ANKH: variants seen among roughly 807,000 people sequenced by gnomAD.
ANKH encodes mineralization regulator ANKH.
Under a neutral mutation model 49.0 loss-of-function variants are expected in ANKH, and 15 were observed. That is an observed-to-expected ratio of 0.31 (90% CI 0.20 to 0.47). The LOEUF is 0.47. Among genes scored for constraint, ANKH ranks in the 20% least tolerant of loss-of-function variants. ANKH has a pLI of 1.00. For synonymous variants in ANKH, 273 were observed against 260.0 expected, an observed-to-expected ratio of 1.05 and a Z score of -0.48; for missense variants, 429 against 652.0, an observed-to-expected ratio of 0.66 and a Z score of 3.72.
At chr5:14,746,793 G>A (rs529901742) in intron 6 of ANKH, among the ~76,000 whole-genome samples, 8 of 152,188 alleles carry the variant, frequency 5.3e-5, no homozygotes, top group Non-Finnish European at 1.2e-4. Flanking sequence ...AGTCAGTTAA[G>A]TTAGATCTCT....
In ANKH at chr5:14,793,009, T is replaced by TATATATATATATAA. The variant is rs1554006425; in HGVS notation, c.97-23819_97-23818insTTATATATATATAT. The stretch of plus-strand genomic sequence containing the variant: ...ATATAAAAATATATATATATATAAA[T>TATATATATATATAA]ATATATATATAAATATATATATATA... On this transcript the variant is annotated intron_variant, in intron 1 of 11. Coordinates refer to ENST00000284268, the MANE Select transcript of ANKH (RefSeq NM_054027.6). Among the ~76,000 whole-genome samples, 324 of 42,430 alleles carry TATATATATATATAA rather than the reference T, an allele frequency of 7.6e-3. 6 individuals are homozygous for TATATATATATATAA. The highest frequency in any genetic ancestry group is 0.024 in the African/African-American group (318 of 13,010). 27.8% of individuals were successfully genotyped at this position (42,430 alleles called of 152,430 possible).
In ANKH at chr5:14,745,959, C is replaced by T. The variant is rs781673142; in HGVS notation, c.826G>A (p.Val276Met). Residue 276 changes from valine (V) to methionine (M), a missense_variant, in exon 7 of 12, where the codon GTG becomes ATG. This residue lies in a region of ANKH where 378 missense variants were observed against 615.3 expected (regional missense o/e 0.61). Coordinates refer to ENST00000284268, the MANE Select transcript of ANKH (RefSeq NM_054027.6). The surrounding 1 kb of genome is among the most constrained non-coding windows in gnomAD (Gnocchi z 4.7). ...LGGSSAATEA[V>M]AILTATYPVG... ...GGGTATGTGGCTGTCAAAATCGCCACTGCCTGCAACAGGAAGAGGTGGCAG... is the reference window on the plus strand; with the variant it reads ...GGGTATGTGGCTGTCAAAATCGCCATTGCCTGCAACAGGAAGAGGTGGCAG... 6.2e-7 allele frequency: 1 copy of T among 1,613,914 alleles called. No homozygotes were observed. Among genetic ancestry groups the T allele is most frequent in the South Asian group, 1.1e-5 (1 of 91,080 alleles).
At chr5:14,850,818 G>T (rs562809087) in intron 1 of ANKH, among the ~76,000 whole-genome samples, 41 of 152,232 alleles carry the variant, frequency 2.7e-4, no homozygotes, top group South Asian at 2.5e-3. Context: ...CAGAGAAACT[G>T]CGACGTCTGC....
At chr5:14,756,904 A>G (rs1738904142) in intron 3 of ANKH, among the ~76,000 whole-genome samples, 2 of 152,216 alleles carry the variant, frequency 1.3e-5, no homozygotes, top group Admixed American at 6.5e-5. Flanking sequence ...CAGAAGAAAC[A>G]TGGAAGAAAA....
At chr5:14,845,274 T>C (rs1488234160) in intron 1 of ANKH, among the ~76,000 whole-genome samples, 1 of 151,996 alleles carries the variant, frequency 6.6e-6, no homozygotes, top group African/African-American at 2.4e-5. Flanking sequence ...CTTCCATCTG[T>C]CCTGTGCCTG....
intron 11 of ANKH, among the ~76,000 whole-genome samples, chr5:14,711,513 C>CCTGG (rs1160010311): frequency 6.6e-6 from 1 of 152,202 alleles, no homozygotes; most frequent in East Asian, 1.9e-4. Context: ...CTGCTGTGTG[C>CCTGG]CTGGCACTGA....
intron 4 of ANKH, among the ~76,000 whole-genome samples, chr5:14,751,833 T>C (rs1392553125): frequency 6.6e-6 from 1 of 152,196 alleles, no homozygotes; most frequent in African/African-American, 2.4e-5. Context: ...CATTTCAAAG[T>C]ACTTTGCATG....
At chr5:14,791,422 T>C (rs1740162251) in intron 1 of ANKH, among the ~76,000 whole-genome samples, 1 of 152,186 alleles carries the variant, frequency 6.6e-6, no homozygotes, top group South Asian at 2.1e-4. Flanking sequence ...ATGAAGTAGT[T>C]TCAAAAGCAC....
intron 6 of ANKH, among the ~76,000 whole-genome samples, chr5:14,746,765 A>G (rs540975365): frequency 6.6e-6 from 1 of 152,192 alleles, no homozygotes; most frequent in African/African-American, 2.4e-5. Context: ...GACAGCTTGG[A>G]GGTTGGAAGC....
At chr5:14,734,056 C>T (rs1738090310) in intron 8 of ANKH, among the ~76,000 whole-genome samples, 1 of 152,192 alleles carries the variant, frequency 6.6e-6, no homozygotes, top group African/African-American at 2.4e-5. Flanking sequence ...GATGGCAGTT[C>T]CTGACTGACC....
At chr5:14,777,145 C>T (rs966375849) in intron 1 of ANKH, among the ~76,000 whole-genome samples, 12 of 61,570 alleles carry the variant, frequency 1.9e-4, no homozygotes, top group Admixed American at 3.7e-4. Flanking sequence ...GTTAGCCGGG[C>T]GTGGTGGGGG....
chr5:14,723,959 CCAGT>C (rs1296918379), intron 8 of ANKH, among the ~76,000 whole-genome samples: 1 of 152,194 alleles, frequency 6.6e-6, no homozygotes, highest in Non-Finnish European at 1.5e-5. Context: ...AGCATGTGAG[CCAGT>C]CAGTTTCCAG....
intron 1 of ANKH, among the ~76,000 whole-genome samples, chr5:14,855,658 A>T (rs115812891): frequency 1.3e-5 from 2 of 152,122 alleles, no homozygotes; most frequent in Non-Finnish European, 2.9e-5. Flanking sequence ...GGTCCATGGT[A>T]CATGGTAGTC....
At chr5:14,739,166 C>T (rs539580956) in intron 8 of ANKH, among the ~76,000 whole-genome samples, 1 of 152,172 alleles carries the variant, frequency 6.6e-6, no homozygotes, top group Non-Finnish European at 1.5e-5. Context: ...CCTGTAATCC[C>T]AGCACTTTGG....
chr5:14,713,533 T>A lies in ANKH; in HGVS notation c.1265+11A>T. 6.2e-7 allele frequency: 1 copy of A among 1,613,982 alleles called. No individual in the cohort carries two copies. The highest frequency in any genetic ancestry group is 8.5e-7 in the Non-Finnish European group (1 of 1,179,918). The stretch of plus-strand genomic sequence containing the variant: ...GAAGGACCCACAGCCCCAAACTCCC[T>A]GACAACATACCCCAGGTAGGGTAGG... On this transcript the variant is annotated intron_variant, in intron 10 of 11. Coordinates refer to ENST00000284268, the MANE Select transcript of ANKH (RefSeq NM_054027.6). This position sits in a 1 kb window ranked among gnomAD's most constrained non-coding sequence, Gnocchi z 4.4.
At chr5:14,853,732 G>A (rs1742180009) in intron 1 of ANKH, among the ~76,000 whole-genome samples, 1 of 152,070 alleles carries the variant, frequency 6.6e-6, no homozygotes. Flanking sequence ...TGGCGCGATA[G>A]AAAGGTGTAT....
chr5:14,779,379 C>T (rs1273857958), intron 1 of ANKH, among the ~76,000 whole-genome samples: 1 of 152,196 alleles, frequency 6.6e-6, no homozygotes, highest in Admixed American at 6.5e-5. Flanking sequence ...TCCTCTAGTT[C>T]CCACCCTCTT....
intron 4 of ANKH, among the ~76,000 whole-genome samples, chr5:14,751,448 C>A (rs528208622): frequency 1.5e-3 from 227 of 152,310 alleles, no homozygotes; most frequent in Non-Finnish European, 2.9e-3. Flanking sequence ...GAACATGGAT[C>A]ATTTTGTTAT....
intron 3 of ANKH, 109 bp from the exon 4 acceptor site, chr5:14,756,053 G>A (rs1738874572): frequency 1.1e-6 from 1 of 885,390 alleles, no homozygotes; most frequent in South Asian, 1.4e-5. Flanking sequence ...CCCCCTCAAA[G>A]CCTTAGCAGC....
Sources: allele counts gnomAD v4.1 joint callset (sites outside exome capture counted in the v4.1 genomes callset), GRCh38; gene constraint gnomAD v4.1.1; regional missense constraint gnomAD v4.1.1; non-coding constraint Gnocchi (gnomAD v3.1); transcripts MANE v1.5; gene names NCBI Gene and HGNC (gene_info 2026-07-23, HGNC 2026-07-21).